The following AKR1E2 variants were observed in gnomAD, a reference collection of about 807,000 sequenced individuals.
The protein encoded by AKR1E2 is 1,5-anhydro-D-fructose reductase.
Under a neutral mutation model 41.9 loss-of-function variants are expected in AKR1E2, and 43 were observed. That is an observed-to-expected ratio of 1.03 (90% CI 0.80 to 1.32). AKR1E2 has a LOEUF of 1.32. Among genes scored for constraint, AKR1E2 ranks in the 40% most tolerant of loss-of-function variants. The pLI is 0.00. For synonymous variants in AKR1E2, 121 were observed against 138.9 expected (o/e 0.87, Z 0.91); for missense variants, 423 against 396.5 (o/e 1.07, Z -0.57).
At chr10:4,835,862 G>C (rs1833372183) in intron 4 of AKR1E2, 53 bp downstream of exon 4, 1 of 1,604,286 alleles carries the variant, frequency 6.2e-7, no homozygotes. Flanking sequence ...TCTCCACCCA[G>C]GATGCAGTGA....
the AKR1E2 span, among the ~76,000 whole-genome samples, chr10:4,866,370 C>T: frequency 6.6e-6 from 1 of 152,160 alleles, no homozygotes; most frequent in Non-Finnish European, 1.5e-5. Context: ...TATAGATACA[C>T]AGGAAGTTGC....
At chr10:4,871,857 C>G in the AKR1E2 span, 4 of 151,962 alleles carry the variant, frequency 2.6e-5, no homozygotes, top group Non-Finnish European at 5.9e-5. Flanking sequence ...TCATCTCAAC[C>G]CAAATCAATA....
In AKR1E2 at chr10:4,834,820, G is replaced by A. The variant is rs867630010; in HGVS notation, c.325-855G>A. Among the ~76,000 whole-genome samples the A allele has an allele frequency of 4.6e-5, 7 of 152,340 alleles. No homozygotes were observed. In the Middle Eastern group the frequency reaches 0.014, roughly 296 times the overall value. ...CCAACAAATTACAGAAGAGAATAAT[G>A]CAGCATCGTCAGCATGTCTTCTGGC... is the stretch of plus-strand genomic sequence containing the variant. On this transcript the variant is annotated intron_variant, in intron 3 of 9. Transcript: ENST00000298375.
At chr10:4,830,221 C>T (rs1349517782) in intron 1 of AKR1E2, among the ~76,000 whole-genome samples, 1 of 152,126 alleles carries the variant, frequency 6.6e-6, no homozygotes, top group Non-Finnish European at 1.5e-5. Flanking sequence ...TACCTTATTG[C>T]TTGTAGCATT....
At chr10:4,834,987 C>T (rs952483686) in intron 3 of AKR1E2, among the ~76,000 whole-genome samples, 3 of 152,200 alleles carry the variant, frequency 2.0e-5, no homozygotes, top group African/African-American at 7.2e-5. Context: ...GTTACTTCAG[C>T]TCATCATGGA....
chr10:4,830,043 C>T (rs955330512), intron 1 of AKR1E2, among the ~76,000 whole-genome samples: 2 of 152,114 alleles, frequency 1.3e-5, no homozygotes, highest in African/African-American at 4.8e-5. Flanking sequence ...GCTCTAACTC[C>T]TAGGGTTACC....
rs776158997 is a variant in AKR1E2, at chr10:4,839,722, G to T, written c.583-7G>T. 1.2e-5 allele frequency: 19 copies of T among 1,611,100 alleles called. No individual in the cohort carries two copies. The highest frequency in any genetic ancestry group is 2.7e-5 in the African/African-American group (2 of 74,854). ...TGAATTTTATGTAAGCTATGATTCTGTTATAGATTGAGTGCCACCCATATC... is the reference window on the plus strand; with the variant it reads ...TGAATTTTATGTAAGCTATGATTCTTTTATAGATTGAGTGCCACCCATATC... On this transcript the variant is annotated splice_polypyrimidine_tract_variant and splice_region_variant and intron_variant, in intron 5 of 9. Coordinates refer to ENST00000298375, the MANE Select transcript of AKR1E2 (RefSeq NM_001040177.3).
At chr10:4,838,032 T>C (rs759546350) in intron 5 of AKR1E2, among the ~76,000 whole-genome samples, 1 of 152,232 alleles carries the variant, frequency 6.6e-6, no homozygotes, top group Non-Finnish European at 1.5e-5. Flanking sequence ...GAGAAAAGAC[T>C]TGTGGGGAAA....
At chr10:4,847,027 A>T in intron 8 of AKR1E2, 121 bp from the exon 9 acceptor site, 4 of 1,054,544 alleles carry the variant, frequency 3.8e-6, no homozygotes, top group Non-Finnish European at 5.5e-6. Context: ...GTGTCTGATG[A>T]AGTGTTTGTT....
At chr10:4,863,103 A>C in the AKR1E2 span, among the ~76,000 whole-genome samples, 2 of 152,222 alleles carry the variant, frequency 1.3e-5, no homozygotes, top group African/African-American at 4.8e-5. Context: ...CTCTGCACCA[A>C]GTGGACCTAA....
In AKR1E2 at chr10:4,826,247, A is replaced by C. The variant is rs1053992177; in HGVS notation, c.-78A>C. 1 of 1,167,578 alleles carries C rather than the reference A, an allele frequency of 8.6e-7. No homozygotes were observed. Among genetic ancestry groups the C allele is most frequent in the African/African-American group, 1.6e-5 (1 of 63,148 alleles). The allele number at this position is 1,167,578 out of a possible 1,614,324, so 72.3% of individuals were successfully genotyped here. The stretch of plus-strand genomic sequence containing the variant: ...CAGCCAGTCGCAACGGCGGGTCGCC[A>C]GCGCCGCAGTAGCTCGCGCGGTGCC... On this transcript the variant is annotated 5_prime_UTR_variant, in exon 1 of 10. Coordinates refer to ENST00000298375, the MANE Select transcript of AKR1E2 (RefSeq NM_001040177.3).
chr10:4,826,589 G>A (rs544683641), intron 1 of AKR1E2, among the ~76,000 whole-genome samples: 17 of 152,302 alleles, frequency 1.1e-4, no homozygotes, highest in African/African-American at 4.1e-4. Context: ...CGCTCTCTGG[G>A]AGAAGCGGGA....
chr10:4,854,547 G>A, the AKR1E2 span, among the ~76,000 whole-genome samples: 1 of 152,136 alleles, frequency 6.6e-6, no homozygotes, highest in Non-Finnish European at 1.5e-5. Context: ...CTATAGTGAG[G>A]AACCCCCCGC....
downstream of AKR1E2, among the ~76,000 whole-genome samples, chr10:4,849,419 A>G (rs772999768): frequency 2.6e-4 from 39 of 152,374 alleles, no homozygotes; most frequent in Non-Finnish European, 3.7e-4. Context: ...GCCATGCAGC[A>G]GGTGACACAG....
At chr10:4,843,130 A>G (rs954232236) in intron 8 of AKR1E2, among the ~76,000 whole-genome samples, 1 of 152,192 alleles carries the variant, frequency 6.6e-6, no homozygotes, top group Non-Finnish European at 1.5e-5. Flanking sequence ...TTTTGGAGCT[A>G]TGTGAAGGAA....
At chr10:4,830,980 G>C in intron 2 of AKR1E2, 138 bp downstream of exon 2, 3 of 1,109,784 alleles carry the variant, frequency 2.7e-6, no homozygotes, top group Non-Finnish European at 3.8e-6. Context: ...AGCTTCATGA[G>C]CATGCTGAAT....
At chr10:4,828,090 G>T (rs896892638) in intron 1 of AKR1E2, among the ~76,000 whole-genome samples, 1 of 152,146 alleles carries the variant, frequency 6.6e-6, no homozygotes, top group Non-Finnish European at 1.5e-5. Flanking sequence ...AGACCTATCC[G>T]TTATCTGTTG....
chr10:4,840,168 G>T (rs1359503273), intron 6 of AKR1E2, among the ~76,000 whole-genome samples: 1 of 152,094 alleles, frequency 6.6e-6, no homozygotes, highest in Non-Finnish European at 1.5e-5. Flanking sequence ...TCCATGGTTG[G>T]ATGAGGCAAA....
At chr10:4,846,029 G>A (rs912455108) in intron 8 of AKR1E2, 8 of 370,034 alleles carry the variant, frequency 2.2e-5, no homozygotes, top group African/African-American at 4.2e-5. Context: ...CCCCAGTGCC[G>A]CTCAGAACTG....
Sources: allele counts gnomAD v4.1 joint callset (sites outside exome capture counted in the v4.1 genomes callset), GRCh38; gene constraint gnomAD v4.1.1; transcripts MANE v1.5; gene names NCBI Gene and HGNC (gene_info 2026-07-23, HGNC 2026-07-21).